GPC5: variants seen among roughly 807,000 people sequenced by gnomAD.
The protein encoded by GPC5 is glypican 5.
A neutral mutation model predicts 53.9 loss-of-function variants in GPC5; 47 were observed. That is an observed-to-expected ratio of 0.87 (90% CI 0.69 to 1.11). GPC5 has a LOEUF of 1.11. GPC5 is among the 50% of genes most tolerant of loss of function. The pLI is 0.00. For missense variants in GPC5, 748 were observed against 713.1 expected (o/e 1.05, Z -0.56); for synonymous variants, 286 against 263.3 (o/e 1.09, Z -0.84).
chr13:91,669,875 T>A (rs2035204002), intron 2 of GPC5, among the ~76,000 whole-genome samples: 1 of 152,106 alleles, frequency 6.6e-6, no homozygotes, highest in African/African-American at 2.4e-5. Flanking sequence ...AAGGTGAGAG[T>A]CTCACATGGA....
At chr13:92,539,287 A>T (rs1881846109) in intron 7 of GPC5, among the ~76,000 whole-genome samples, 1 of 151,860 alleles carries the variant, frequency 6.6e-6, no homozygotes, top group African/African-American at 2.4e-5. Flanking sequence ...ACTCCCACTA[A>T]CAGTGTAAAA....
chr13:92,522,628 G>A (rs1881106440), intron 7 of GPC5, among the ~76,000 whole-genome samples: 1 of 152,070 alleles, frequency 6.6e-6, no homozygotes, highest in African/African-American at 2.4e-5. Context: ...TGGGGTGGGG[G>A]AAGGGGAGAG....
chr13:92,731,002 TTTGA>T (rs1179156046), intron 7 of GPC5, among the ~76,000 whole-genome samples: 1 of 151,432 alleles, frequency 6.6e-6, no homozygotes, highest in Non-Finnish European at 1.5e-5. Context: ...GAGATGAGTC[TTTGA>T]TTGCTTATGT....
At chr13:92,838,482 C>CA (rs1025448235) in intron 7 of GPC5, among the ~76,000 whole-genome samples, 3 of 145,112 alleles carry the variant, frequency 2.1e-5, no homozygotes, top group African/African-American at 8.1e-5. Flanking sequence ...GACTCCGCGC[C>CA]CCCCCCAAAA....
chr13:91,419,653 C>T (rs1878469162), intron 1 of GPC5, among the ~76,000 whole-genome samples: 1 of 151,912 alleles, frequency 6.6e-6, no homozygotes, highest in South Asian at 2.1e-4. Flanking sequence ...TTATCGTGGC[C>T]AGGAAGAGGT....
intron 2 of GPC5, among the ~76,000 whole-genome samples, chr13:91,607,959 G>A (rs1332527382): frequency 5.3e-5 from 8 of 152,094 alleles, no homozygotes; most frequent in Admixed American, 1.3e-4. Context: ...AGATTCTTTC[G>A]AAGAAGGCTG....
intron 6 of GPC5, among the ~76,000 whole-genome samples, chr13:92,052,747 C>T (rs187946885): frequency 4.6e-5 from 7 of 152,278 alleles, no homozygotes; most frequent in Admixed American, 3.9e-4. Flanking sequence ...GGCTTCACCT[C>T]TCAGTAGGAC....
intron 2 of GPC5, among the ~76,000 whole-genome samples, chr13:91,548,641 A>G (rs1250760877): frequency 6.6e-6 from 1 of 152,204 alleles, no homozygotes. Flanking sequence ...GATCCAGAAT[A>G]GTCAACACAA....
intron 7 of GPC5, among the ~76,000 whole-genome samples, chr13:92,382,479 A>C (rs1308481881): frequency 6.6e-6 from 1 of 152,156 alleles, no homozygotes; most frequent in African/African-American, 2.4e-5. Context: ...TGTATTTTAT[A>C]CTTTAATTGC....
chr13:91,875,559 T>G (rs903602056), intron 5 of GPC5, among the ~76,000 whole-genome samples: 1 of 152,304 alleles, frequency 6.6e-6, no homozygotes. Context: ...TATTGAACAT[T>G]TTTTTCCTCC....
At chr13:92,633,441 AG>A (rs1233306573) in intron 7 of GPC5, among the ~76,000 whole-genome samples, 2 of 152,134 alleles carry the variant, frequency 1.3e-5, no homozygotes, top group Non-Finnish European at 2.9e-5. Flanking sequence ...AGAAAAGCTG[AG>A]GGTTTTAAAA....
chr13:91,731,566 G>A (rs903951875), intron 4 of GPC5, among the ~76,000 whole-genome samples: 4 of 152,022 alleles, frequency 2.6e-5, no homozygotes, highest in African/African-American at 4.8e-5. Flanking sequence ...TGCAGAAGGT[G>A]TAGGTTTGTT....
intron 7 of GPC5, among the ~76,000 whole-genome samples, chr13:92,604,956 A>G (rs1252749115): frequency 6.6e-6 from 1 of 152,206 alleles, no homozygotes; most frequent in Non-Finnish European, 1.5e-5. Flanking sequence ...TTTGAGGGCA[A>G]TTTAGGCATA....
chr13:91,675,923 CG>C (rs1469585183), intron 2 of GPC5, among the ~76,000 whole-genome samples: 37 of 152,048 alleles, frequency 2.4e-4, no homozygotes, highest in Admixed American at 2.4e-3. Flanking sequence ...CAGGGTGGTT[CG>C]ACTTTTAGAA....
At chr13:92,740,616 G>A (rs1889056492) in intron 7 of GPC5, among the ~76,000 whole-genome samples, 1 of 151,946 alleles carries the variant, frequency 6.6e-6, no homozygotes, top group South Asian at 2.1e-4. Flanking sequence ...TTGTAATAGT[G>A]CTAAAATGGC....
chr13:91,960,011 T>C (rs1011564439), intron 6 of GPC5, among the ~76,000 whole-genome samples: 2 of 151,940 alleles, frequency 1.3e-5, no homozygotes, highest in African/African-American at 2.4e-5. Context: ...CGAAAGCCTT[T>C]CCTCTAAGAA....
chr13:92,423,307 A>C (rs934746130), intron 7 of GPC5, among the ~76,000 whole-genome samples: 1 of 152,240 alleles, frequency 6.6e-6, no homozygotes, highest in Non-Finnish European at 1.5e-5. Context: ...AATTCAGAAT[A>C]AGAAAATATT....
chr13:92,114,496 A>G (rs1364920753), intron 6 of GPC5, among the ~76,000 whole-genome samples: 1 of 152,218 alleles, frequency 6.6e-6, no homozygotes, highest in East Asian at 1.9e-4. Context: ...TGGAATTTAT[A>G]CCAATTAGAT....
At chr13:92,436,659 G>C (rs1376908297) in intron 7 of GPC5, among the ~76,000 whole-genome samples, 1 of 152,024 alleles carries the variant, frequency 6.6e-6, no homozygotes, top group African/African-American at 2.4e-5. Flanking sequence ...CATTCTTTTT[G>C]AAATGTTGTA....
Sources: allele counts gnomAD v4.1 joint callset (sites outside exome capture counted in the v4.1 genomes callset), GRCh38; gene constraint gnomAD v4.1.1; transcripts MANE v1.5; gene names NCBI Gene and HGNC (gene_info 2026-07-23, HGNC 2026-07-21).